PRDM5: variants seen among roughly 807,000 people sequenced by gnomAD.
PRDM5 encodes PR domain zinc finger protein 5.
In PRDM5, 56 loss-of-function variants were observed where a neutral mutation model predicts 81.2. The ratio of observed to expected loss-of-function variants is 0.69; its 90% CI spans 0.56 to 0.86. The LOEUF (loss-of-function observed/expected upper bound fraction) is 0.86, where lower values mean the gene tolerates loss of function less well. Among genes scored for constraint, PRDM5 ranks in the 40% least tolerant of loss-of-function variants. The pLI is 0.00. For missense variants in PRDM5, 697 were observed against 770.1 expected (o/e 0.91, Z 1.12); for synonymous variants, 267 against 256.4 (o/e 1.04, Z -0.39).
intron 15 of PRDM5, 149 bp downstream of exon 15, chr4:120,710,160 T>C (rs1474063881): frequency 1.4e-6 from 1 of 701,842 alleles, no homozygotes; most frequent in African/African-American, 1.8e-5. Context: ...GAACAAGCTA[T>C]AAATAGCATA....
At chr4:120,794,626 C>CT (rs751900616) in intron 10 of PRDM5, among the ~76,000 whole-genome samples, 3,969 of 137,446 alleles carry the variant, frequency 0.029, 73 homozygotes, top group Middle Eastern at 0.055. Flanking sequence ...TTATATTCTA[C>CT]TTTTTTTTTT....
At chr4:120,809,992 G>T (rs911389318) in intron 8 of PRDM5, among the ~76,000 whole-genome samples, 1 of 152,172 alleles carries the variant, frequency 6.6e-6, no homozygotes, top group African/African-American at 2.4e-5. Context: ...AGCTACAAGA[G>T]AACAGGCTCA....
At chr4:120,832,719 A>AAGAC (rs1474897791) in intron 3 of PRDM5, among the ~76,000 whole-genome samples, 1 of 152,136 alleles carries the variant, frequency 6.6e-6, no homozygotes, top group Non-Finnish European at 1.5e-5. Flanking sequence ...TTGAATTAGT[A>AAGAC]AGACAGTAAA....
intron 14 of PRDM5, among the ~76,000 whole-genome samples, chr4:120,746,962 C>T (rs1343310844): frequency 6.6e-6 from 1 of 151,050 alleles, no homozygotes; most frequent in East Asian, 1.9e-4. Context: ...ATAAATCATG[C>T]TGCTATAAAG....
chr4:120,835,310 G>GT (rs1757215697), intron 3 of PRDM5, among the ~76,000 whole-genome samples: 1 of 152,180 alleles, frequency 6.6e-6, no homozygotes, highest in African/African-American at 2.4e-5. Context: ...AACTGACCTA[G>GT]TCTAGAGTTC....
intron 11 of PRDM5, among the ~76,000 whole-genome samples, chr4:120,784,666 T>C (rs956764805): frequency 6.6e-6 from 1 of 152,158 alleles, no homozygotes; most frequent in Non-Finnish European, 1.5e-5. Context: ...TCTTAATCAT[T>C]ATATTTGAAA....
intron 3 of PRDM5, among the ~76,000 whole-genome samples, chr4:120,844,827 G>A (rs1758468876): frequency 6.6e-6 from 1 of 152,206 alleles, no homozygotes; most frequent in African/African-American, 2.4e-5. Context: ...AGGCCACTTG[G>A]GCCAAACAGC....
intron 3 of PRDM5, among the ~76,000 whole-genome samples, chr4:120,824,491 C>T (rs1485835293): frequency 2.0e-5 from 3 of 152,160 alleles, no homozygotes; most frequent in African/African-American, 4.8e-5. Context: ...ACTTGTTCAA[C>T]ATCAAGGCCT....
chr4:120,902,081 C>T (rs909183063), intron 2 of PRDM5, among the ~76,000 whole-genome samples: 1 of 152,190 alleles, frequency 6.6e-6, no homozygotes, highest in African/African-American at 2.4e-5. Flanking sequence ...TACACAAAAC[C>T]TGTTGCAAGC....
chr4:120,788,672 A>G (rs754045908), intron 10 of PRDM5, among the ~76,000 whole-genome samples: 2 of 152,230 alleles, frequency 1.3e-5, no homozygotes, highest in Non-Finnish European at 2.9e-5. Context: ...TTGCTTAATT[A>G]TGAAAGAACC....
In PRDM5 at chr4:120,785,333, T is replaced by A. The variant is rs80154434; in HGVS notation, c.1189-242A>T. Among the ~76,000 whole-genome samples, 13,294 of 151,982 alleles carry A rather than the reference T, an allele frequency of 0.087. 874 individuals carry two copies. Among genetic ancestry groups the A allele is most frequent in the Middle Eastern group, 0.17 (49 of 294 alleles). On this transcript the variant is annotated intron_variant, in intron 10 of 15. Transcript: ENST00000264808. ...CTTGATAAATAGTAAAAAAAAAATA[T>A]TCCTATTATCTCAAACTGCTAATCT... is the stretch of plus-strand genomic sequence containing the variant.
Position 120,705,440 on chromosome 4 carries a change from T to C in PRDM5, c.1728+4869A>G, listed in dbSNP as rs572739858. ...TGAGCTGAGATCTGAAAGAAGCACA[T>C]GAGCAGGCCATGAAGGAACCGGAAG... On this transcript the variant is annotated intron_variant, in intron 15 of 15. Coordinates refer to ENST00000264808, the MANE Select transcript of PRDM5 (RefSeq NM_018699.4). Among the ~76,000 whole-genome samples the C allele has an allele frequency of 1.6e-3, 240 of 152,190 alleles. 1 individual carries two copies. The highest frequency in any genetic ancestry group is 2.8e-3 in the Non-Finnish European group (190 of 68,004).
chr4:120,697,970 A>G (rs56029924), intron 15 of PRDM5, among the ~76,000 whole-genome samples: 26,220 of 151,830 alleles, frequency 0.17, 2,587 homozygotes, highest in Non-Finnish European at 0.24. Context: ...AAATAAAAAA[A>G]AAGAAAATGT....
At chr4:120,737,355 G>A (rs145437917) in intron 14 of PRDM5, among the ~76,000 whole-genome samples, 1 of 152,164 alleles carries the variant, frequency 6.6e-6, no homozygotes, top group African/African-American at 2.4e-5. Flanking sequence ...ATGTGGAAAT[G>A]CAGAGAAGCA....
At chr4:120,821,419 AT>A in intron 3 of PRDM5, 74 bp from the exon 4 acceptor site, 2 of 1,371,896 alleles carry the variant, frequency 1.5e-6, no homozygotes, top group Non-Finnish European at 2.1e-6. Context: ...TTTAAGATAC[AT>A]TAATGGAGTA....
intron 10 of PRDM5, among the ~76,000 whole-genome samples, chr4:120,795,739 C>T (rs1423506922): frequency 2.0e-5 from 3 of 152,018 alleles, no homozygotes; most frequent in African/African-American, 7.2e-5. Flanking sequence ...AGGGTGAAAC[C>T]CTGTCTCTAT....
chr4:120,912,292 C>A (rs370796288), intron 1 of PRDM5, among the ~76,000 whole-genome samples: 1 of 152,104 alleles, frequency 6.6e-6, no homozygotes, highest in African/African-American at 2.4e-5. Context: ...ACATTATATG[C>A]CCCCTACTGT....
chr4:120,870,575 G>A lies in PRDM5; in HGVS notation c.178-17035C>T, dbSNP rs563897690. ...TAAGCCAGCCCAGGAAAAATAATGA[G>A]TGAGTACGGATGAGAAAAGAGCTGA... On this transcript the variant is annotated intron_variant, in intron 2 of 15. Transcript: ENST00000264808. Among the ~76,000 whole-genome samples, 7 of 152,260 alleles carry A rather than the reference G, an allele frequency of 4.6e-5. No homozygotes were observed. In the South Asian group the frequency reaches 6.2e-4, roughly 14 times the overall value.
Position 120,777,179 on chromosome 4 carries a change from T to A in PRDM5, c.1537+9A>T. 2 of 1,613,192 alleles carry A rather than the reference T, an allele frequency of 1.2e-6. No individual in the cohort carries two copies. Among genetic ancestry groups the A allele is most frequent in the South Asian group, 1.1e-5 (1 of 91,066 alleles). On this transcript the variant is annotated intron_variant, in intron 13 of 15. Transcript: ENST00000264808. ...GGTTTTTTCACTAGTCTAATTACAA[T>A]CTCCATACCTGTGTGGCTCCGGATA...
Sources: gnomAD v4.1 joint callset for allele counts (sites outside exome capture counted in the v4.1 genomes callset) on GRCh38, gnomAD v4.1.1 for gene constraint, MANE v1.5 for transcripts, NCBI Gene and HGNC (gene_info 2026-07-23, HGNC 2026-07-21) for gene names.